Variants in PIGP observed in about 807,000 individuals in gnomAD.
PIGP encodes the protein phosphatidylinositol N-acetylglucosaminyltransferase subunit P.
Under a neutral mutation model 16.9 loss-of-function variants are expected in PIGP, and 12 were observed. The ratio of observed to expected loss-of-function variants is 0.71; its 90% CI spans 0.46 to 1.15. The LOEUF is 1.15. Ranked by LOEUF, PIGP falls within the 50% of genes most tolerant of loss-of-function variation. The pLI is 0.00. For missense variants in PIGP, 159 were observed against 153.5 expected (o/e 1.04, Z -0.19); for synonymous variants, 57 against 54.7 (o/e 1.04, Z -0.18).
chr21:37,069,519 TA>T, intron 3 of PIGP, 32 bp downstream of exon 3: 1 of 1,296,180 alleles, frequency 7.7e-7, no homozygotes, highest in Non-Finnish European at 1.1e-6. Flanking sequence ...CAGCATTAAT[TA>T]TATCCTCATT....
chr21:37,071,241 TCA>T (rs1216230667), intron 2 of PIGP, among the ~76,000 whole-genome samples: 2 of 152,186 alleles, frequency 1.3e-5, no homozygotes, highest in Non-Finnish European at 2.9e-5. Flanking sequence ...CCGTTAATCC[TCA>T]CAACAGTCAG....
In PIGP at chr21:37,067,244, C is replaced by G; in HGVS notation, c.274+18G>C. ...CACTCTTTCATTGCCCCAGCACTTT[C>G]CTTTTATATAAAGTTACCTGTGATT... On this transcript the variant is annotated intron_variant, in intron 4 of 4. Coordinates refer to ENST00000360525, the MANE Select transcript of PIGP (RefSeq NM_153682.3). 3 of 1,377,528 alleles carry G rather than the reference C, an allele frequency of 2.2e-6. No individual in the cohort carries two copies. Among genetic ancestry groups the G allele is most frequent in the Non-Finnish European group, 3.1e-6 (3 of 965,234 alleles). 85.3% of individuals were successfully genotyped at this position (1,377,528 alleles called of 1,614,324 possible). A position where few individuals can be genotyped will look rare whatever the true frequency, so the allele number is the denominator to read the frequency against.
intron 3 of PIGP, among the ~76,000 whole-genome samples, chr21:37,068,434 CTT>C: frequency 6.6e-6 from 1 of 151,830 alleles, no homozygotes; most frequent in African/African-American, 2.4e-5. Context: ...GCATTCTGTT[CTT>C]GTTTCATAGT....
intron 2 of PIGP, 73 bp downstream of exon 2, chr21:37,072,361 C>A: frequency 6.2e-7 from 1 of 1,604,578 alleles, no homozygotes; most frequent in Non-Finnish European, 8.5e-7. Context: ...TGTGCACAGT[C>A]TAACCAATGT....
rs1271803957 is a variant in PIGP at position 37,065,783 on chromosome 21, C to T, written c.275-71G>A. ...CTACAGTCTCTGTGTCTGATGGAGA[C>T]CCACCACATAGTTTACTAGGCTGAC... On this transcript the variant is annotated intron_variant, in intron 4 of 4. Coordinates refer to ENST00000360525, the MANE Select transcript of PIGP (RefSeq NM_153682.3). The T allele has an allele frequency of 2.6e-5, 36 of 1,376,208 alleles. No homozygotes were observed. The East Asian group carries it at 7.7e-4, about 29-fold the overall frequency. 85.2% of individuals were successfully genotyped at this position (1,376,208 alleles called of 1,614,324 possible). A position where few individuals can be genotyped will look rare whatever the true frequency, so the allele number is the denominator to read the frequency against.
intron 1 of PIGP, 37 bp downstream of exon 1, chr21:37,072,963 A>G (rs2070227356): frequency 9.8e-6 from 2 of 205,056 alleles, no homozygotes; most frequent in Admixed American, 5.8e-5. Context: ...CGGGTCCTTC[A>G]TACGCCCACC....
At position 37,072,453 on chromosome 21, in the gene PIGP, T is replaced by A. The variant is rs940864327; in HGVS notation, c.63A>T (p.Leu21Phe). Reference sequence around the variant, plus strand: ...ACTTACTGAAGCCAAATTGGGAGCTTAAGAAAAGAACAAAGCCATAAATCG... The same window carrying A: ...ACTTACTGAAGCCAAATTGGGAGCTAAAGAAAAGAACAAAGCCATAAATCG... ...ERAIYGFVLF[L>F]SSQFGFILYL... The change falls in exon 2 of 5, where the codon TTA (leucine) becomes TTT (phenylalanine). Residue 21 changes from leucine (L) to phenylalanine (F), a missense_variant. Transcript: ENST00000360525. 1 of 1,614,054 alleles carries A rather than the reference T, an allele frequency of 6.2e-7. No homozygotes were observed. Among genetic ancestry groups the A allele is most frequent in the Non-Finnish European group, 8.5e-7 (1 of 1,180,016 alleles).
At chr21:37,069,293 C>CA in intron 3 of PIGP, 1 of 252,342 alleles carries the variant, frequency 4.0e-6, no homozygotes. Context: ...TTTGTATCTT[C>CA]AGTTTTTTTT....
In PIGP at chr21:37,065,403, T is replaced by C. The variant is rs916644126; in HGVS notation, c.*179A>G. ...GGAATGCAATATTGTATTTATTCTA[T>C]TCATTAACAATACTTGAACATTTAC... On this transcript the variant is annotated 3_prime_UTR_variant, in exon 5 of 5. Transcript: ENST00000360525. The C allele has an allele frequency of 4.5e-5, 24 of 528,928 alleles. No homozygotes were observed. Among genetic ancestry groups the C allele is most frequent in the Admixed American group, 3.5e-4 (9 of 26,062 alleles). The allele number at this position is 528,928 out of a possible 1,614,324, so 32.8% of individuals were successfully genotyped here.
intron 2 of PIGP, 33 bp from the exon 3 acceptor site, chr21:37,069,657 A>C: frequency 7.1e-7 from 1 of 1,409,402 alleles, no homozygotes; most frequent in Non-Finnish European, 9.8e-7. Flanking sequence ...AAAGAGGAAG[A>C]GAAGTCAGTA....
At chr21:37,069,713 G>C in intron 2 of PIGP, 89 bp from the exon 3 acceptor site, 1 of 909,840 alleles carries the variant, frequency 1.1e-6, no homozygotes, top group South Asian at 1.8e-5. Context: ...AGATAAAACA[G>C]AAAAGCTCTT....
intron 1 of PIGP, 66 bp from the exon 2 acceptor site, chr21:37,072,603 T>G: frequency 6.2e-7 from 1 of 1,606,098 alleles, no homozygotes; most frequent in Admixed American, 1.7e-5. Flanking sequence ...CATTCTCGCC[T>G]CCTCGCTCCG....
chr21:37,071,258 G>A (rs558447768), intron 2 of PIGP, among the ~76,000 whole-genome samples: 1 of 152,214 alleles, frequency 6.6e-6, no homozygotes, highest in Non-Finnish European at 1.5e-5. Flanking sequence ...AGTCAGAAGA[G>A]GCAGCAGAGT....
At chr21:37,067,509 A>C (rs1422694054) in intron 3 of PIGP, 129 bp from the exon 4 acceptor site, 2 of 585,912 alleles carry the variant, frequency 3.4e-6, no homozygotes, top group Non-Finnish European at 6.0e-6. Context: ...ATAAGAGACA[A>C]ATAGTTCCAC....
At chr21:37,070,865 C>T (rs578137710) in intron 2 of PIGP, among the ~76,000 whole-genome samples, 5 of 152,340 alleles carry the variant, frequency 3.3e-5, no homozygotes, top group East Asian at 3.8e-4. Flanking sequence ...CGGGTTCAAG[C>T]GATTCTCCTG....
At chr21:37,072,295 G>C in intron 2 of PIGP, 139 bp downstream of exon 2, 2 of 1,603,338 alleles carry the variant, frequency 1.2e-6, no homozygotes, top group Non-Finnish European at 1.7e-6. Flanking sequence ...GCAAACACGA[G>C]ATCCCTTCAG....
At chr21:37,069,680 AATCT>A in intron 2 of PIGP, 56 bp from the exon 3 acceptor site, 1 of 1,069,406 alleles carries the variant, frequency 9.4e-7, no homozygotes, top group Non-Finnish European at 1.4e-6. Flanking sequence ...ACATACATCT[AATCT>A]ATCAATCTAT....
rs1052500612 is a variant in PIGP, at chr21:37,072,663, G to T, written c.-22-126C>A. The T allele has an allele frequency of 4.6e-6, 7 of 1,521,816 alleles. No individual in the cohort carries two copies. In the Admixed American group the frequency reaches 8.7e-5, roughly 19 times the overall value. The allele number at this position is 1,521,816 out of a possible 1,614,324, so 94.3% of individuals were successfully genotyped here. ...AGAACCGCCTCCCGCGCCTCCGTCC[G>T]CAACCCGCGCCCCCGCCTCGAGCGC... is the stretch of plus-strand genomic sequence containing the variant. On this transcript the variant is annotated intron_variant, in intron 1 of 4. Coordinates refer to ENST00000360525, the MANE Select transcript of PIGP (RefSeq NM_153682.3).
intron 4 of PIGP, 63 bp downstream of exon 4, chr21:37,067,199 G>A: frequency 2.1e-6 from 2 of 939,436 alleles, no homozygotes; most frequent in East Asian, 5.0e-5. Flanking sequence ...TTGCTTTTCT[G>A]GGTAAAAGTG....
Sources: gnomAD v4.1 joint callset for allele counts (sites outside exome capture counted in the v4.1 genomes callset) on GRCh38, gnomAD v4.1.1 for gene constraint, MANE v1.5 for transcripts, NCBI Gene and HGNC (gene_info 2026-07-23, HGNC 2026-07-21) for gene names.